BNC2: variants seen among roughly 807,000 people sequenced by gnomAD.
BNC2 encodes zinc finger protein basonuclin-2.
BNC2 carries 20 observed loss-of-function variants against 76.3 expected under a neutral mutation model. The observed-to-expected ratio is 0.26, with a 90% CI of 0.18 to 0.38. The LOEUF is 0.38. BNC2 is among the 10% of genes least tolerant of loss of function. The probability of loss-of-function intolerance (pLI) is 1.00; values close to 1 mark genes in which losing one functional copy is unlikely to be tolerated. For synonymous variants in BNC2, 582 were observed against 514.8 expected (o/e 1.13, Z -1.77); for missense variants, 1,382 against 1,399.8 (o/e 0.99, Z 0.20).
intron 3 of BNC2, chr9:16,664,987 G>T (rs1333927489): frequency 2.2e-6 from 1 of 451,584 alleles, no homozygotes; most frequent in African/African-American, 2.0e-5. Flanking sequence ...CTTCATGGCA[G>T]AAGCAGGGAA....
chr9:16,684,271 G>A (rs1183338186), intron 3 of BNC2, among the ~76,000 whole-genome samples: 3 of 152,160 alleles, frequency 2.0e-5, no homozygotes, highest in Non-Finnish European at 4.4e-5. Context: ...TCCACAAAAA[G>A]TCTTCCATCA....
intron 3 of BNC2, among the ~76,000 whole-genome samples, chr9:16,723,903 G>T (rs1824239944): frequency 6.6e-6 from 1 of 152,064 alleles, no homozygotes; most frequent in Non-Finnish European, 1.5e-5. Flanking sequence ...ATATTTGCAT[G>T]AAGTTAAATA....
In BNC2 at chr9:16,416,490, C is replaced by G. The variant is rs1820586803; in HGVS notation, c.*2499G>C. 1 of 152,562 alleles carries G rather than the reference C, an allele frequency of 6.6e-6. No individual in the cohort carries two copies. Among genetic ancestry groups the G allele is most frequent in the South Asian group, 2.1e-4 (1 of 4,834 alleles). The allele number at this position is 152,562 out of a possible 1,614,324, so 9.5% of individuals were successfully genotyped here. ...TTATATGGTATAAAACAAAGGAAAA[C>G]ATCTGTCTGTTCAATTTAACACAAC... On this transcript the variant is annotated 3_prime_UTR_variant, in exon 7 of 7. Transcript: ENST00000380672.
chr9:16,741,006 G>A (rs1280917690), intron 1 of BNC2, among the ~76,000 whole-genome samples: 1 of 152,122 alleles, frequency 6.6e-6, no homozygotes, highest in Admixed American at 6.6e-5. Context: ...AAAAGAGACA[G>A]AATTTATCTT....
At chr9:16,518,410 G>T (rs956335073) in intron 5 of BNC2, among the ~76,000 whole-genome samples, 2 of 151,932 alleles carry the variant, frequency 1.3e-5, no homozygotes, top group African/African-American at 4.8e-5. Context: ...CAGTGTAATA[G>T]GGCGAAACCA....
chr9:16,667,105 A>ACACG (rs1210097901), intron 3 of BNC2, among the ~76,000 whole-genome samples: 2 of 151,082 alleles, frequency 1.3e-5, no homozygotes, highest in Admixed American at 6.6e-5. Context: ...ACACACACAC[A>ACACG]CACGCACACA....
At chr9:16,693,100 A>T (rs1823225100) in intron 3 of BNC2, among the ~76,000 whole-genome samples, 1 of 127,120 alleles carries the variant, frequency 7.9e-6, no homozygotes, top group Non-Finnish European at 1.6e-5. Context: ...ACTGCACTCC[A>T]GCCTGGGCAA....
chr9:16,543,772 C>T (rs929492840), intron 5 of BNC2, among the ~76,000 whole-genome samples: 3 of 152,144 alleles, frequency 2.0e-5, no homozygotes, highest in East Asian at 1.9e-4. Context: ...TTTGCCTCTG[C>T]CTGAGGCCTC....
intron 1 of BNC2, among the ~76,000 whole-genome samples, chr9:16,799,199 A>C (rs1045222769): frequency 3.3e-5 from 5 of 152,212 alleles, no homozygotes; most frequent in Admixed American, 1.3e-4. Context: ...AAGAAGCAGA[A>C]ATTAGTCATA....
At chr9:16,603,754 G>T (rs1563858991) in intron 3 of BNC2, among the ~76,000 whole-genome samples, 2 of 152,078 alleles carry the variant, frequency 1.3e-5, no homozygotes, top group Non-Finnish European at 1.5e-5. Context: ...CAAACCTGCT[G>T]TTAGTATTTC....
intron 5 of BNC2, among the ~76,000 whole-genome samples, chr9:16,506,145 A>T (rs1363437890): frequency 1.4e-4 from 22 of 152,184 alleles, no homozygotes; most frequent in Admixed American, 1.4e-3. Flanking sequence ...AATTGTAGAA[A>T]AGTTTTTACC....
At chr9:16,634,402 G>A (rs184135496) in intron 3 of BNC2, among the ~76,000 whole-genome samples, 1 of 152,096 alleles carries the variant, frequency 6.6e-6, no homozygotes, top group African/African-American at 2.4e-5. Context: ...ATGAAGTCTG[G>A]ATACTGTCTG....
At chr9:16,545,958 A>G (rs1818469484) in intron 5 of BNC2, among the ~76,000 whole-genome samples, 1 of 152,218 alleles carries the variant, frequency 6.6e-6, no homozygotes, top group African/African-American at 2.4e-5. Flanking sequence ...GAAAAGAGAA[A>G]CTTCTGCTGT....
In BNC2 at chr9:16,713,705, T is replaced by G. The variant is rs112617621; in HGVS notation, c.330+14092A>C. Among the ~76,000 whole-genome samples the G allele has an allele frequency of 8.3e-4, 127 of 152,226 alleles. 1 individual carries two copies. The highest frequency in any genetic ancestry group is 2.8e-3 in the African/African-American group (118 of 41,542). On this transcript the variant is annotated intron_variant, in intron 3 of 6. Transcript: ENST00000380672. ...GGCTTTCCCCCGCCCTTTTTTTTTA[T>G]TAAGAATTTTACTTTGAACCATAAG...
chr9:16,836,020 A>G (rs527532059), intron 1 of BNC2, among the ~76,000 whole-genome samples: 5 of 152,284 alleles, frequency 3.3e-5, no homozygotes, highest in Middle Eastern at 6.8e-3. Context: ...GCTGCAGTAC[A>G]TAATTATTTT....
At chr9:16,446,909 T>C (rs901717086) in intron 5 of BNC2, among the ~76,000 whole-genome samples, 5 of 152,246 alleles carry the variant, frequency 3.3e-5, no homozygotes, top group African/African-American at 1.2e-4. Context: ...AAACCAGCCA[T>C]ATGCATTTCC....
chr9:16,832,826 A>C (rs978507635), intron 1 of BNC2, among the ~76,000 whole-genome samples: 3 of 151,998 alleles, frequency 2.0e-5, no homozygotes, highest in African/African-American at 7.2e-5. Context: ...ACTGGGTTCA[A>C]GCGATTCTCC....
At position 16,436,200 on chromosome 9, in the gene BNC2, G is replaced by A. The variant is rs746999145; in HGVS notation, c.1994C>T (p.Ala665Val). Residue 665 changes from alanine to valine, a missense_variant, in exon 6 of 7, where the codon GCT becomes GTT. Ala to Val is a moderately conservative substitution (Grantham distance 64). Coordinates refer to ENST00000380672, the MANE Select transcript of BNC2 (RefSeq NM_017637.6). ...GTCATGGCTCATGTCATTGACCACA[G>A]CTCCACCATCATTGGGGTCATCATC... The part of the protein sequence containing the change: ...DEDDDPNDGG[A>V]VVNDMSHDNH... The A allele has an allele frequency of 7.4e-6, 12 of 1,614,134 alleles. No homozygotes were observed. The highest frequency in any genetic ancestry group is 1.0e-5 in the Non-Finnish European group (12 of 1,180,014).
chr9:16,785,232 G>A (rs981281075), intron 1 of BNC2, among the ~76,000 whole-genome samples: 1 of 152,166 alleles, frequency 6.6e-6, no homozygotes, highest in African/African-American at 2.4e-5. Context: ...AAGCCTTAAA[G>A]TATCCCACTG....
Sources: allele counts gnomAD v4.1 joint callset (sites outside exome capture counted in the v4.1 genomes callset), GRCh38; gene constraint gnomAD v4.1.1; transcripts MANE v1.5; gene names NCBI Gene and HGNC (gene_info 2026-07-23, HGNC 2026-07-21).